TMPRSS2: variants seen among roughly 807,000 people sequenced by gnomAD.
TMPRSS2 encodes the protein transmembrane serine protease 2, also known as transmembrane protease serine 2.
TMPRSS2 carries 59 observed loss-of-function variants against 67.4 expected under a neutral mutation model. That is an observed-to-expected ratio of 0.88 (90% confidence interval 0.71 to 1.09). The LOEUF is 1.09. Among genes scored for constraint, TMPRSS2 ranks in the 50% least tolerant of loss-of-function variants. The probability of loss-of-function intolerance (pLI) is 0.00; values close to 1 mark genes in which losing one functional copy is unlikely to be tolerated. For synonymous variants in TMPRSS2, 257 were observed against 257.0 expected, an observed-to-expected ratio of 1.00 and a Z score of 0.00; for missense variants, 668 against 642.7, an observed-to-expected ratio of 1.04 and a Z score of -0.43.
chr21:41,494,271 T>G, intron 3 of TMPRSS2, 85 bp downstream of exon 3: 1 of 1,394,172 alleles, frequency 7.2e-7, no homozygotes, highest in Non-Finnish European at 9.9e-7. Flanking sequence ...GTGGCGACAG[T>G]GGTGTTGGGA....
chr21:41,491,733 C>T (rs2091338067), intron 3 of TMPRSS2, among the ~76,000 whole-genome samples: 1 of 152,226 alleles, frequency 6.6e-6, no homozygotes, highest in African/African-American at 2.4e-5. Flanking sequence ...TCACACTGAG[C>T]ATGTGCCAAT....
chr21:41,473,605 G>A (rs2091155306), intron 8 of TMPRSS2, 109 bp from the exon 9 acceptor site: 8 of 1,250,896 alleles, frequency 6.4e-6, no homozygotes, highest in Non-Finnish European at 8.9e-6. Context: ...CAGGGCAGGG[G>A]CACCACTGCT....
intron 1 of TMPRSS2, among the ~76,000 whole-genome samples, chr21:41,505,290 T>C (rs577731955): frequency 6.6e-6 from 1 of 152,278 alleles, no homozygotes; most frequent in Non-Finnish European, 1.5e-5. Flanking sequence ...GATGTAATAA[T>C]TGGGACCAAG....
At position 41,468,376 on chromosome 21, in the gene TMPRSS2, G is replaced by A. The variant is rs1418311730; in HGVS notation, c.1314+20C>T. On this transcript the variant is annotated intron_variant, in intron 12 of 13. Coordinates refer to ENST00000332149, the MANE Select transcript of TMPRSS2 (RefSeq NM_005656.4). ...TAGGATCTGGTAAGGACCAAAGGTA[G>A]AATAAAAATGTTGAATTACCTGGCA... 3 of 1,613,794 alleles carry A rather than the reference G, an allele frequency of 1.9e-6. No homozygotes were observed. The highest frequency in any genetic ancestry group is 1.7e-5 in the Admixed American group (1 of 59,988).
chr21:41,479,194 T>C lies in TMPRSS2; in HGVS notation c.661A>G (p.Ile221Val), dbSNP rs1281595410. ...TACCTGTGGTACAGTTTTTTATAGATATCGACATTGCCGGCACTTGTGTTC... is the reference window on the plus strand; with the variant it reads ...TACCTGTGGTACAGTTTTTTATAGACATCGACATTGCCGGCACTTGTGTTC... ...KLNTSAGNVD[I>V]YKKLYHSDAC... Residue 221 changes from isoleucine (I) to valine (V), a missense_variant, in exon 7 of 14, where the codon ATC becomes GTC. Physicochemically the swap from Ile to Val is conservative, Grantham distance 29. Coordinates refer to ENST00000332149, the MANE Select transcript of TMPRSS2 (RefSeq NM_005656.4). 6.2e-7 allele frequency: 1 copy of C among 1,613,892 alleles called. No homozygotes were observed. The highest frequency in any genetic ancestry group is 8.5e-7 in the Non-Finnish European group (1 of 1,179,950).
At position 41,489,519 on chromosome 21, in the gene TMPRSS2, G is replaced by A; in HGVS notation, c.313C>T (p.Leu105Phe). The A allele has an allele frequency of 1.9e-6, 3 of 1,614,098 alleles. No individual in the cohort carries two copies. Among genetic ancestry groups the A allele is most frequent in the Non-Finnish European group, 2.5e-6 (3 of 1,179,984 alleles). Reference protein sequence around the residue: ...LVGAALAAGLLWKFMGSKCSN... With the variant: ...LVGAALAAGLFWKFMGSKCSN... ...TCCCTGCACTTACTGAACTTCCAGA[G>A]TAGGCCAGCGGCCAGCGCAGCTCCC... Residue 105 changes from leucine (L) to phenylalanine (F), a missense_variant, in exon 4 of 14, where the codon CTC (leucine) becomes TTC (phenylalanine). Physicochemically the swap from Leu to Phe is conservative, Grantham distance 22. Transcript: ENST00000332149.
At position 41,494,369 on chromosome 21, in the gene TMPRSS2, T is replaced by C. The variant is rs3787950; in HGVS notation, c.225A>G (p.Thr75=). ...VCTQPKSPSG[T]VCTSKTKKAL... ...AGAGAATCCTACTTGAGGTGCACAC[T>C]GTCCCGGATGGGGATTTGGGCTGCG... Residue 75 remains threonine, a synonymous_variant, in exon 3 of 14, where the codon ACA becomes ACG. Coordinates refer to ENST00000332149, the MANE Select transcript of TMPRSS2 (RefSeq NM_005656.4). The C allele has an allele frequency of 0.092, 147,343 of 1,609,916 alleles. 8,503 individuals are homozygous for C. The highest frequency in any genetic ancestry group is 0.21 in the African/African-American group (15,309 of 74,670).
intron 5 of TMPRSS2, among the ~76,000 whole-genome samples, chr21:41,480,979 C>T (rs948777766): frequency 3.3e-5 from 5 of 151,990 alleles, no homozygotes; most frequent in Admixed American, 6.5e-5. Context: ...CCAAGCCCCG[C>T]GCTCTCCACG....
intron 2 of TMPRSS2, among the ~76,000 whole-genome samples, chr21:41,496,184 C>T (rs1017878825): frequency 6.6e-6 from 1 of 152,180 alleles, no homozygotes; most frequent in Non-Finnish European, 1.5e-5. Flanking sequence ...TAATCCCTCC[C>T]GCTGCCAGCG....
In TMPRSS2 at chr21:41,504,024, T is replaced by C. The variant is rs917148092; in HGVS notation, c.-57+4057A>G. Among the ~76,000 whole-genome samples the C allele has an allele frequency of 2.6e-5, 4 of 152,364 alleles. No individual in the cohort carries two copies. The East Asian group carries it at 7.7e-4, about 29-fold the overall frequency. ...GCCTTAAAGGGAATTTGACACTGCA[T>C]TGTGCACCTCGTACAAACAAGCAAT... On this transcript the variant is annotated intron_variant, in intron 1 of 13. Coordinates refer to ENST00000332149, the MANE Select transcript of TMPRSS2 (RefSeq NM_005656.4).
chr21:41,476,689 A>C, intron 7 of TMPRSS2, 69 bp from the exon 8 acceptor site: 1 of 1,369,304 alleles, frequency 7.3e-7, no homozygotes, highest in Non-Finnish European at 1.0e-6. Context: ...ATGCTTAGAA[A>C]TCAGTCATTT....
intron 1 of TMPRSS2, among the ~76,000 whole-genome samples, chr21:41,501,608 CAAAAAAAAAAAA>C (rs57394908): frequency 2.0e-4 from 17 of 86,534 alleles, no homozygotes; most frequent in African/African-American, 7.4e-4. Flanking sequence ...GACTCTGTCT[CAAAAAAAAAAAA>C]AAAAAAAAAA....
intron 7 of TMPRSS2, 85 bp from the exon 8 acceptor site, chr21:41,476,705 G>A (rs995863873): frequency 3.2e-5 from 38 of 1,195,992 alleles, no homozygotes; most frequent in African/African-American, 1.0e-4. Flanking sequence ...CATTTCTTCC[G>A]ATGTTCCCTC....
intron 1 of TMPRSS2, among the ~76,000 whole-genome samples, chr21:41,498,695 C>T (rs542575245): frequency 7.9e-5 from 12 of 152,232 alleles, no homozygotes; most frequent in African/African-American, 2.4e-4. Flanking sequence ...TGAAGAAACA[C>T]GACAAGGTAA....
In TMPRSS2 at chr21:41,492,290, A is replaced by C. The variant is rs79617378; in HGVS notation, c.238+2066T>G. 8.7e-3 allele frequency among the ~76,000 whole-genome samples: 1,333 copies of C among 152,350 alleles called. 12 individuals carry two copies. The highest frequency in any genetic ancestry group is 0.013 in the Non-Finnish European group (857 of 68,036). ...ATGACCAACTTAAGGTTGTCAACTC[A>C]GCCTCATGGTTTCTCACGTTTAGCT... On this transcript the variant is annotated intron_variant, in intron 3 of 13. Transcript: ENST00000332149.
At chr21:41,507,772 C>T (rs558543141) in intron 1 of TMPRSS2, among the ~76,000 whole-genome samples, 1 of 152,278 alleles carries the variant, frequency 6.6e-6, no homozygotes, top group East Asian at 1.9e-4. Context: ...GGACTCTCTT[C>T]CACCAACTGG....
rs762943835 is a variant in TMPRSS2, at chr21:41,489,535, C to G, written c.297G>C (p.Ala99=). 2 of 1,613,938 alleles carry G rather than the reference C, an allele frequency of 1.2e-6. No individual in the cohort carries two copies. The highest frequency in any genetic ancestry group is 1.7e-6 in the Non-Finnish European group (2 of 1,180,018). Residue 99 remains alanine, a synonymous_variant, in exon 4 of 14, where the codon GCG becomes GCC. Transcript: ENST00000332149. ...LTLGTFLVGA[A]LAAGLLWKFM... Reference sequence around the variant, plus strand: ...ACTTCCAGAGTAGGCCAGCGGCCAGCGCAGCTCCCACGAGGAAGGTCCCCA... The same window carrying G: ...ACTTCCAGAGTAGGCCAGCGGCCAGGGCAGCTCCCACGAGGAAGGTCCCCA...
At chr21:41,505,066 G>T (rs1351320014) in intron 1 of TMPRSS2, among the ~76,000 whole-genome samples, 1 of 152,042 alleles carries the variant, frequency 6.6e-6, no homozygotes, top group Non-Finnish European at 1.5e-5. Context: ...CCCACAGGGA[G>T]CTCTCCCTGC....
intron 1 of TMPRSS2, chr21:41,506,687 CA>C (rs1302501748): frequency 6.6e-6 from 1 of 152,482 alleles, no homozygotes; most frequent in Non-Finnish European, 1.5e-5. Context: ...ATCCTTCCTT[CA>C]GGGGAGGCTG....
Sources: gnomAD v4.1 joint callset for allele counts (sites outside exome capture counted in the v4.1 genomes callset) on GRCh38, gnomAD v4.1.1 for gene constraint, MANE v1.5 for transcripts, NCBI Gene and HGNC (gene_info 2026-07-23, HGNC 2026-07-21) for gene names.